Variants in ZNF138 observed in about 807,000 individuals in gnomAD.
ZNF138 encodes the protein zinc finger protein 138 (clone pHZ-32).
ZNF138 carries 33 observed loss-of-function variants against 33.0 expected under a neutral mutation model. That is an observed-to-expected ratio of 1.00 (90% CI 0.76 to 1.34). The LOEUF is 1.34. ZNF138 is among the 40% of genes most tolerant of loss of function. ZNF138 has a pLI of 0.00. For synonymous variants in ZNF138, 139 were observed against 120.4 expected, an observed-to-expected ratio of 1.15 and a Z score of -1.01; for missense variants, 360 against 370.8, an observed-to-expected ratio of 0.97 and a Z score of 0.24.
chr7:64,860,278 G>A, the ZNF138 span, among the ~76,000 whole-genome samples: 12 of 152,192 alleles, frequency 7.9e-5, 1 homozygote, highest in South Asian at 2.5e-3. Flanking sequence ...TACTTTTGTG[G>A]CAAAAACATT....
chr7:64,794,611 G>T, intron 1 of ZNF138, 40 bp downstream of exon 1: 1 of 1,613,054 alleles, frequency 6.2e-7, no homozygotes. Context: ...GAGGGGGAGG[G>T]AGCTGGTTGG....
intron 3 of ZNF138, among the ~76,000 whole-genome samples, chr7:64,825,902 C>T: frequency 6.6e-6 from 1 of 152,112 alleles, no homozygotes; most frequent in East Asian, 1.9e-4. Context: ...GTGGTGTGAT[C>T]ATGGCTCACT....
intron 1 of ZNF138, among the ~76,000 whole-genome samples, chr7:64,805,712 G>A (rs532524383): frequency 6.6e-6 from 1 of 152,332 alleles, no homozygotes; most frequent in East Asian, 1.9e-4. Flanking sequence ...AAAGTAAATA[G>A]CCATAAAGAT....
the ZNF138 span, chr7:64,853,440 C>G: frequency 1.4e-6 from 1 of 697,060 alleles, no homozygotes; most frequent in Middle Eastern, 4.2e-4. Context: ...CACCGGCTCG[C>G]TTTGCGCCCC....
intron 3 of ZNF138, among the ~76,000 whole-genome samples, chr7:64,821,128 C>T (rs1211963445): frequency 2.7e-5 from 4 of 149,932 alleles, no homozygotes; most frequent in African/African-American, 7.5e-5. Context: ...CTGGCTCCGT[C>T]GCCCAGGCTG....
chr7:64,837,365 G>C (rs986682602), downstream of ZNF138, among the ~76,000 whole-genome samples: 2 of 152,180 alleles, frequency 1.3e-5, no homozygotes, highest in African/African-American at 4.8e-5. Flanking sequence ...TGGCTGGACT[G>C]TCTGGGCTGA....
At chr7:64,797,582 T>C (rs6960431) in intron 1 of ZNF138, among the ~76,000 whole-genome samples, 15,595 of 151,992 alleles carry the variant, frequency 0.1, 937 homozygotes, top group East Asian at 0.26. Flanking sequence ...CGGAGCCTGC[T>C]CACCCCAGCC....
At chr7:64,858,950 A>AT in the ZNF138 span, among the ~76,000 whole-genome samples, 17 of 151,586 alleles carry the variant, frequency 1.1e-4, no homozygotes, top group African/African-American at 3.6e-4. Flanking sequence ...TTTCTCTTTC[A>AT]TTTTTTTATA....
downstream of ZNF138, among the ~76,000 whole-genome samples, chr7:64,835,117 G>T (rs545484709): frequency 1.3e-3 from 199 of 152,180 alleles, 1 homozygote; most frequent in African/African-American, 4.5e-3. Context: ...AGTGTGACAC[G>T]CCCTAGTGGG....
At chr7:64,842,031 A>T in the ZNF138 span, among the ~76,000 whole-genome samples, 2 of 152,216 alleles carry the variant, frequency 1.3e-5, no homozygotes, top group African/African-American at 4.8e-5. Context: ...GAGGAATTTT[A>T]AATTTAATGT....
the ZNF138 span, among the ~76,000 whole-genome samples, chr7:64,842,418 T>C: frequency 6.6e-6 from 1 of 152,234 alleles, no homozygotes; most frequent in Admixed American, 6.5e-5. Flanking sequence ...AAATGACCTC[T>C]GTGGATTTGA....
the ZNF138 span, among the ~76,000 whole-genome samples, chr7:64,850,691 G>C: frequency 2.6e-5 from 4 of 152,228 alleles, no homozygotes; most frequent in South Asian, 6.2e-4. Context: ...ATCTCTCTGT[G>C]CTTGACTCTT....
the ZNF138 span, among the ~76,000 whole-genome samples, chr7:64,847,312 A>G: frequency 6.1e-5 from 5 of 82,024 alleles, no homozygotes; most frequent in Non-Finnish European, 9.2e-5. Context: ...ATCTCTTCTA[A>G]TACATATATA....
chr7:64,842,387 G>A, the ZNF138 span, among the ~76,000 whole-genome samples: 1 of 152,164 alleles, frequency 6.6e-6, no homozygotes, highest in East Asian at 1.9e-4. Flanking sequence ...AAGTGTGAAT[G>A]TTAAAGGTTG....
At chr7:64,818,064 CT>C (rs1449900394) in intron 3 of ZNF138, among the ~76,000 whole-genome samples, 1 of 84,020 alleles carries the variant, frequency 1.2e-5, no homozygotes, top group African/African-American at 4.5e-5. Flanking sequence ...ACAATCTTGG[CT>C]TACTGCAACC....
chr7:64,823,123 G>A (rs536381314), intron 3 of ZNF138, among the ~76,000 whole-genome samples: 15 of 152,028 alleles, frequency 9.9e-5, no homozygotes, highest in African/African-American at 2.9e-4. Context: ...CAGGTGATCC[G>A]CCCACCTCGG....
chr7:64,821,290 T>G (rs935490659), intron 3 of ZNF138, among the ~76,000 whole-genome samples: 8 of 150,828 alleles, frequency 5.3e-5, no homozygotes, highest in Non-Finnish European at 1.5e-5. Context: ...GGAGTTTCAC[T>G]GTGTTAGCTA....
the ZNF138 span, among the ~76,000 whole-genome samples, chr7:64,846,738 G>A: frequency 6.6e-6 from 1 of 152,220 alleles, no homozygotes; most frequent in South Asian, 2.1e-4. Context: ...TTACCAGTTT[G>A]GATGCCCTTT....
downstream of ZNF138, among the ~76,000 whole-genome samples, chr7:64,837,851 T>A (rs1365001056): frequency 1.3e-5 from 2 of 152,180 alleles, no homozygotes; most frequent in Non-Finnish European, 2.9e-5. Context: ...TGAGAAAGTG[T>A]TTACTAAAGT....
Sources: allele counts gnomAD v4.1 joint callset (sites outside exome capture counted in the v4.1 genomes callset), GRCh38; gene constraint gnomAD v4.1.1; transcripts MANE v1.5; gene names NCBI Gene and HGNC (gene_info 2026-07-23, HGNC 2026-07-21).